RBPJ: variants seen among roughly 807,000 people sequenced by gnomAD.
RBPJ encodes recombination signal binding protein for immunoglobulin kappa J region, also known as recombining binding protein suppressor of hairless.
Under a neutral mutation model 67.8 loss-of-function variants are expected in RBPJ, and 9 were observed. The observed-to-expected ratio is 0.13, with a 90% CI of 0.08 to 0.23. The LOEUF (loss-of-function observed/expected upper bound fraction) is 0.23, where lower values mean the gene tolerates loss of function less well. Ranked by LOEUF, RBPJ falls within the 10% of genes least tolerant of loss-of-function variation. The pLI, the probability that RBPJ is intolerant of heterozygous loss-of-function variation, is 1.00. For missense variants in RBPJ, 305 were observed against 595.6 expected (o/e 0.51, Z 5.08); for synonymous variants, 198 against 203.3 (o/e 0.97, Z 0.22).
At chr4:26,330,582 T>A (rs1372991179) in intron 1 of RBPJ, among the ~76,000 whole-genome samples, 1 of 152,206 alleles carries the variant, frequency 6.6e-6, no homozygotes, top group African/African-American at 2.4e-5. Context: ...GTGTAATGCC[T>A]TTAGAATATG....
Position 26,430,946 on chromosome 4 carries a change from AC to A in RBPJ, c.1404del (p.Tyr468Ter). On this transcript the variant is annotated frameshift_variant, in exon 11 of 11. Transcript: ENST00000355476. LOFTEE classifies it high-confidence loss of function. The surrounding 1 kb of genome is among the most constrained non-coding windows in gnomAD (Gnocchi z 4.1). ...TCAAACACAAACAGCGAGGGAAGTT[AC>A]ACAAACGCCAGCACAAATTCAACCA... is the stretch of plus-strand genomic sequence containing the variant. ...NESNTNSEGSYTNASTNSTSV... is the reference protein window; with the variant it reads ...NESNTNSEGSXTNASTNSTSV... 1 of 1,614,130 alleles carries A rather than the reference AC, an allele frequency of 6.2e-7. No homozygotes were observed. Among genetic ancestry groups the A allele is most frequent in the Non-Finnish European group, 8.5e-7 (1 of 1,180,018 alleles).
chr4:26,416,716 T>C lies in RBPJ; in HGVS notation c.321+1076T>C, dbSNP rs557181267. ...CATCCTTGTTGAATATTTTAGTGTTTGCTATGTTGTAGTTGGCACTAGGTA... is the reference window on the plus strand; with the variant it reads ...CATCCTTGTTGAATATTTTAGTGTTCGCTATGTTGTAGTTGGCACTAGGTA... On this transcript the variant is annotated intron_variant, in intron 4 of 10. Transcript: ENST00000355476. Among the ~76,000 whole-genome samples the C allele has an allele frequency of 7.2e-5, 11 of 152,332 alleles. No homozygotes were observed. In the South Asian group the frequency reaches 1.0e-3, roughly 14 times the overall value.
intron 1 of RBPJ, among the ~76,000 whole-genome samples, chr4:26,268,995 G>A (rs555894131): frequency 2.6e-5 from 4 of 151,606 alleles, no homozygotes; most frequent in Admixed American, 1.3e-4. Context: ...TCTAATATTC[G>A]GCTTCTTTGG....
At chr4:26,319,749 A>C (rs1437013997), upstream of RBPJ, 1 of 950,630 alleles carries the variant, frequency 1.1e-6, no homozygotes, top group African/African-American at 1.6e-5. Context: ...GGGCCGCGCC[A>C]ATCCTGCAGC....
rs2109848306 is a variant in RBPJ at position 26,432,041 on chromosome 4, C to G, written c.*1034C>G. 1 of 152,190 alleles carries G rather than the reference C, an allele frequency of 6.6e-6. No homozygotes were observed. The highest frequency in any genetic ancestry group is 2.1e-4 in the South Asian group (1 of 4,826). 9.4% of individuals were successfully genotyped at this position (152,190 alleles called of 1,614,324 possible). A position where few individuals can be genotyped will look rare whatever the true frequency, so the allele number is the denominator to read the frequency against. On this transcript the variant is annotated 3_prime_UTR_variant, in exon 11 of 11. Transcript: ENST00000355476. ...TCCCCCCTCCTAATCTTGTACATAA[C>G]TTGTATTATGTGTAAGTTAAACATT...
intron 1 of RBPJ, among the ~76,000 whole-genome samples, chr4:26,193,950 A>C (rs1577458268): frequency 6.6e-6 from 1 of 152,074 alleles, no homozygotes; most frequent in African/African-American, 2.4e-5. Context: ...AGGTTCTCCC[A>C]AGCCTCTCTC....
the RBPJ span, among the ~76,000 whole-genome samples, chr4:26,118,788 C>T: frequency 6.6e-6 from 1 of 152,180 alleles, no homozygotes; most frequent in South Asian, 2.1e-4. Flanking sequence ...TTCTAAACTT[C>T]CAACTCCCAA....
rs1721900945 is a variant in RBPJ at position 26,297,140 on chromosome 4, T to A, written c.-166-65306T>A. 3.9e-5 allele frequency among the ~76,000 whole-genome samples: 6 copies of A among 152,084 alleles called. No homozygotes were observed. The South Asian group carries it at 1.2e-3, about 32-fold the overall frequency. On this transcript the variant is annotated intron_variant, in intron 1 of 4. Coordinates refer to the RBPJ transcript ENST00000512351. ...CGAGCCCCGGTTTCTATGAAAATTT[T>A]AAAAAATTATCCAGGCGTGGTGGCA...
chr4:26,316,697 G>GTATA (rs1234947541), upstream of RBPJ, among the ~76,000 whole-genome samples: 65 of 127,848 alleles, frequency 5.1e-4, no homozygotes, highest in African/African-American at 1.9e-3. Context: ...CACATATTGT[G>GTATA]TATATATATA....
chr4:26,285,891 T>C (rs929939030), intron 1 of RBPJ, among the ~76,000 whole-genome samples: 1 of 151,682 alleles, frequency 6.6e-6, no homozygotes, highest in Admixed American at 6.6e-5. Context: ...ACTGAGAGAG[T>C]ATTCAAAATT....
At chr4:26,320,372 G>A (rs1722888452), upstream of RBPJ, among the ~76,000 whole-genome samples, 1 of 152,186 alleles carries the variant, frequency 6.6e-6, no homozygotes, top group Admixed American at 6.5e-5. Flanking sequence ...AGCTCTGGAA[G>A]GGCCTCCTCA....
the RBPJ span, among the ~76,000 whole-genome samples, chr4:26,140,757 G>A: frequency 2.0e-5 from 3 of 151,020 alleles, no homozygotes; most frequent in African/African-American, 7.3e-5. Context: ...CTGGGCCAAG[G>A]ACCGCTCCTG....
chr4:26,331,627 T>G (rs541516847), intron 1 of RBPJ, among the ~76,000 whole-genome samples: 1 of 152,264 alleles, frequency 6.6e-6, no homozygotes, highest in East Asian at 1.9e-4. Context: ...TTGGTGCTGC[T>G]TATGATCTTT....
the RBPJ span, among the ~76,000 whole-genome samples, chr4:26,119,132 T>TA: frequency 6.6e-6 from 1 of 152,150 alleles, no homozygotes; most frequent in African/African-American, 2.4e-5. Flanking sequence ...GTTAAATAAA[T>TA]AAAATACTGT....
At chr4:26,272,682 T>A (rs189414099) in intron 1 of RBPJ, 1 of 453,854 alleles carries the variant, frequency 2.2e-6, no homozygotes, top group African/African-American at 2.0e-5. Context: ...TCATTCTTCC[T>A]GGTTCTTGAA....
At chr4:26,296,210 T>C (rs764184010) in intron 1 of RBPJ, among the ~76,000 whole-genome samples, 1 of 152,208 alleles carries the variant, frequency 6.6e-6, no homozygotes, top group South Asian at 2.1e-4. Context: ...AAGTTCCTAA[T>C]ATTTGGCACA....
chr4:26,276,514 C>G (rs903740750), intron 1 of RBPJ, among the ~76,000 whole-genome samples: 1 of 152,138 alleles, frequency 6.6e-6, no homozygotes, highest in African/African-American at 2.4e-5. Flanking sequence ...ACACAATCCA[C>G]AGAAATCTAT....
intron 3 of RBPJ, 131 bp downstream of exon 3, chr4:26,406,401 G>T (rs1733415224): frequency 6.5e-6 from 4 of 616,510 alleles, no homozygotes; most frequent in Non-Finnish European, 8.8e-6. Context: ...AAAAATAGGG[G>T]ATTTGTCTCC....
At chr4:26,178,651 C>G (rs932655215) in intron 1 of RBPJ, among the ~76,000 whole-genome samples, 1 of 150,322 alleles carries the variant, frequency 6.7e-6, no homozygotes, top group African/African-American at 2.4e-5. Flanking sequence ...CCCCCTTAGC[C>G]TCAGGCCAGA....
Sources: allele counts gnomAD v4.1 joint callset (sites outside exome capture counted in the v4.1 genomes callset), GRCh38; gene constraint gnomAD v4.1.1; non-coding constraint Gnocchi (gnomAD v3.1); transcripts MANE v1.5; gene names NCBI Gene and HGNC (gene_info 2026-07-23, HGNC 2026-07-21).